Variants in EIPR1 observed in about 807,000 individuals in gnomAD.
The protein encoded by EIPR1 is EARP and GARP complex-interacting protein 1.
EIPR1 carries 25 observed loss-of-function variants against 48.1 expected under a neutral mutation model. That is an observed-to-expected ratio of 0.52 (90% CI 0.38 to 0.73). The LOEUF (loss-of-function observed/expected upper bound fraction) is 0.73, where lower values mean the gene tolerates loss of function less well. Among genes scored for constraint, EIPR1 ranks in the 30% least tolerant of loss-of-function variants. The pLI is 0.00. For synonymous variants in EIPR1, 204 were observed against 201.9 expected, an observed-to-expected ratio of 1.01 and a Z score of -0.09; for missense variants, 415 against 506.2, an observed-to-expected ratio of 0.82 and a Z score of 1.73.
chr2:3,257,515 G>C, intron 3 of EIPR1, 60 bp from the exon 4 acceptor site: 2 of 1,581,660 alleles, frequency 1.3e-6, no homozygotes, highest in South Asian at 2.3e-5. Flanking sequence ...GCATTCTGCA[G>C]ACAGCACACG....
chr2:3,213,401 G>A (rs964070256), intron 5 of EIPR1, among the ~76,000 whole-genome samples: 14 of 152,002 alleles, frequency 9.2e-5, no homozygotes, highest in Admixed American at 8.5e-4. Context: ...GTATTCAAAC[G>A]ATGCATATTT....
intron 3 of EIPR1, among the ~76,000 whole-genome samples, chr2:3,329,582 G>A (rs1005529584): frequency 5.3e-5 from 8 of 150,338 alleles, no homozygotes; most frequent in Admixed American, 1.3e-4. Flanking sequence ...ATGATCTCAG[G>A]GTACTAGCCT....
chr2:3,240,308 G>GA (rs1666563731), intron 4 of EIPR1, among the ~76,000 whole-genome samples: 1 of 143,052 alleles, frequency 7.0e-6, no homozygotes, highest in African/African-American at 2.6e-5. Context: ...ACAGCGAGCA[G>GA]GTCCCTCCTA....
chr2:3,375,666 A>T (rs1422139848), intron 1 of EIPR1, among the ~76,000 whole-genome samples: 1 of 152,218 alleles, frequency 6.6e-6, no homozygotes, highest in African/African-American at 2.4e-5. Flanking sequence ...GTTTGGGTTG[A>T]AAGTCTAAGT....
chr2:3,223,889 C>A (rs1386943044), intron 4 of EIPR1, among the ~76,000 whole-genome samples: 1 of 152,134 alleles, frequency 6.6e-6, no homozygotes. Context: ...CCCCTAAACT[C>A]CCCATGTATC....
chr2:3,236,905 A>G (rs1441773727), intron 4 of EIPR1, among the ~76,000 whole-genome samples: 1 of 152,188 alleles, frequency 6.6e-6, no homozygotes, highest in Non-Finnish European at 1.5e-5. Flanking sequence ...TGGCTTCAAT[A>G]TCACCATTAG....
rs1670127899 is a variant in EIPR1 at position 3,338,247 on chromosome 2, C to T, written c.127-98G>A. ...ACAAAGAATAGTCACATGCACATTT[C>T]GTGACAGATACATCTTTAGTTAATT... is the stretch of plus-strand genomic sequence containing the variant. On this transcript the variant is annotated intron_variant, in intron 2 of 8. Coordinates refer to ENST00000382125, the MANE Select transcript of EIPR1 (RefSeq NM_003310.5). The T allele has an allele frequency of 1.2e-5, 16 of 1,388,896 alleles. No individual in the cohort carries two copies. In the East Asian group the frequency reaches 2.4e-4, roughly 21 times the overall value. The allele number at this position is 1,388,896 out of a possible 1,614,324, so 86.0% of individuals were successfully genotyped here.
intron 1 of EIPR1, 44 bp downstream of exon 1, chr2:3,377,604 A>C (rs1659940236): frequency 6.4e-7 from 1 of 1,555,796 alleles, no homozygotes; most frequent in African/African-American, 1.4e-5. Flanking sequence ...GCATGCTATC[A>C]ACAGCCAGGC....
At chr2:3,349,680 A>T (rs1325231950) in intron 2 of EIPR1, among the ~76,000 whole-genome samples, 1 of 151,606 alleles carries the variant, frequency 6.6e-6, no homozygotes, top group African/African-American at 2.4e-5. Flanking sequence ...AGATGGGGAC[A>T]GGGAGGACGC....
At chr2:3,302,776 G>A (rs997940170) in intron 3 of EIPR1, among the ~76,000 whole-genome samples, 1 of 152,318 alleles carries the variant, frequency 6.6e-6, no homozygotes, top group Non-Finnish European at 1.5e-5. Context: ...CCCATCAGAC[G>A]ACAGGCTCCC....
intron 1 of EIPR1, among the ~76,000 whole-genome samples, chr2:3,357,878 C>T (rs1251280872): frequency 6.6e-6 from 1 of 152,180 alleles, no homozygotes; most frequent in African/African-American, 2.4e-5. Context: ...CACAGATTCT[C>T]CCCTAGTGCC....
intron 3 of EIPR1, among the ~76,000 whole-genome samples, chr2:3,273,545 TTG>T (rs1667760425): frequency 6.6e-6 from 1 of 152,146 alleles, no homozygotes; most frequent in African/African-American, 2.4e-5. Flanking sequence ...AAAAACCCAC[TTG>T]TTTATCTCAG....
intron 5 of EIPR1, among the ~76,000 whole-genome samples, chr2:3,198,942 G>A (rs929333597): frequency 3.9e-4 from 59 of 151,754 alleles, no homozygotes; most frequent in African/African-American, 1.2e-3. Context: ...ACTAGAATTC[G>A]CCAGGCTGGA....
At chr2:3,237,493 T>C (rs1378462410) in intron 4 of EIPR1, among the ~76,000 whole-genome samples, 3 of 152,242 alleles carry the variant, frequency 2.0e-5, no homozygotes, top group Non-Finnish European at 4.4e-5. Flanking sequence ...TTGCAAGTTA[T>C]ACTTTATCGT....
At chr2:3,249,590 G>C (rs1666943522) in intron 4 of EIPR1, among the ~76,000 whole-genome samples, 3 of 152,164 alleles carry the variant, frequency 2.0e-5, no homozygotes, top group Non-Finnish European at 4.4e-5. Flanking sequence ...AATCCAAGAG[G>C]GCTGTGGAGC....
At chr2:3,301,207 C>G (rs925139818) in intron 3 of EIPR1, 1 of 152,196 alleles carries the variant, frequency 6.6e-6, no homozygotes, top group Non-Finnish European at 1.5e-5. Flanking sequence ...ATGAGCCTTG[C>G]TTTTCAGATG....
intron 2 of EIPR1, among the ~76,000 whole-genome samples, chr2:3,339,098 C>T (rs1450287851): frequency 1.3e-5 from 2 of 152,184 alleles, no homozygotes; most frequent in African/African-American, 4.8e-5. Flanking sequence ...TACTCAGTGG[C>T]ATGGAACGAT....
At chr2:3,326,550 C>T (rs1409214242) in intron 3 of EIPR1, among the ~76,000 whole-genome samples, 3 of 152,204 alleles carry the variant, frequency 2.0e-5, no homozygotes, top group Admixed American at 6.5e-5. Flanking sequence ...TACAACCTGA[C>T]AGTGGGTCTC....
intron 2 of EIPR1, among the ~76,000 whole-genome samples, chr2:3,341,070 T>C (rs1276552185): frequency 8.7e-6 from 1 of 114,788 alleles, no homozygotes; most frequent in Non-Finnish European, 1.6e-5. Flanking sequence ...CACTCCAGCC[T>C]GGGTGACAGA....
Sources: gnomAD v4.1 joint callset for allele counts (sites outside exome capture counted in the v4.1 genomes callset) on GRCh38, gnomAD v4.1.1 for gene constraint, MANE v1.5 for transcripts, NCBI Gene and HGNC (gene_info 2026-07-23, HGNC 2026-07-21) for gene names.